Variants in NOP2 observed in about 807,000 individuals in gnomAD.
The protein encoded by NOP2 is NOP2 nucleolar protein, also known as 28S rRNA (cytosine(4447)-C(5))-methyltransferase.
A neutral mutation model predicts 72.7 loss-of-function variants in NOP2; 7 were observed. The ratio of observed to expected loss-of-function variants is 0.10; its 90% CI spans 0.05 to 0.18. The LOEUF (loss-of-function observed/expected upper bound fraction) is 0.18. Among genes scored for constraint, NOP2 ranks in the 10% least tolerant of loss-of-function variants. NOP2 has a pLI of 1.00. For missense variants in NOP2, 954 were observed against 1,014.7 expected (o/e 0.94, Z 0.81); for synonymous variants, 387 against 388.0 (o/e 1.00, Z 0.03).
Position 6,561,961 on chromosome 12 carries a change from T to C in NOP2, c.989A>G (p.Asn330Ser), listed in dbSNP as rs762106332. 1.9e-6 allele frequency: 3 copies of C among 1,609,648 alleles called. No homozygotes were observed. Among genetic ancestry groups the C allele is most frequent in the South Asian group, 2.2e-5 (2 of 90,252 alleles). Residue 330 changes from asparagine (N) to serine (S), a missense_variant, in exon 10 of 16, where the codon AAT becomes AGT. Around this residue, in one of 3 missense-constraint regions of NOP2, gnomAD observed 498 missense variants for 478.3 expected, o/e 1.04. Coordinates refer to ENST00000322166, the MANE Select transcript of NOP2 (RefSeq NM_001258308.2). ...RRRDLAQALI[N>S]RGVNLDPLGK... Reference sequence around the variant, plus strand: ...CAGGGGATCCAGGTTAACCCCACGATTGATTAGAGCCTGAAAAGGGATGAA... The same window carrying C: ...CAGGGGATCCAGGTTAACCCCACGACTGATTAGAGCCTGAAAAGGGATGAA...
In NOP2 at chr12:6,561,045, C is replaced by G. The variant is rs567636803; in HGVS notation, c.1233G>C (p.Val411=). Residue 411 remains valine, a synonymous_variant, in exon 12 of 16, where the codon GTG becomes GTC. Transcript: ENST00000322166. Reference sequence around the variant, plus strand: ...CAGCATTGGCGTCATTGGCAAGGATCACACCCGTGTTCTTCATCAGCTGGG... The same window carrying G: ...CAGCATTGGCGTCATTGGCAAGGATGACACCCGTGTTCTTCATCAGCTGGG... ...YMAQLMKNTG[V]ILANDANAER... The G allele has an allele frequency of 1.1e-5, 18 of 1,614,022 alleles. No homozygotes were observed. In the African/African-American group the frequency reaches 1.3e-4, roughly 12 times the overall value.
At chr12:6,558,384 T>C (rs1947560503) in intron 15 of NOP2, among the ~76,000 whole-genome samples, 1 of 150,852 alleles carries the variant, frequency 6.6e-6, no homozygotes, top group Non-Finnish European at 1.5e-5. Context: ...GCAATTCTCC[T>C]GCCTCAGCCT....
chr12:6,566,226 C>T lies in NOP2; in HGVS notation c.349G>A (p.Glu117Lys), dbSNP rs1947775835. ...ATACCATCTTCTTCAGAGTCTTCCT[C>T]CTCCTCTTCCTCATCACTGCCAGGT... ...PAPGSDEEEE[E>K]EDSEEDGMVN... Residue 117 changes from glutamate to lysine, a missense_variant, in exon 5 of 16, where the codon GAG (glutamate) becomes AAG (lysine). Around this residue, in one of 3 missense-constraint regions of NOP2, gnomAD observed 498 missense variants for 478.3 expected, o/e 1.04. Transcript: ENST00000322166. 6.2e-7 allele frequency: 1 copy of T among 1,614,008 alleles called. No homozygotes were observed. Among genetic ancestry groups the T allele is most frequent in the Non-Finnish European group, 8.5e-7 (1 of 1,179,884 alleles).
At position 6,564,847 on chromosome 12, in the gene NOP2, G is replaced by A. The variant is rs568547477; in HGVS notation, c.475-901C>T. Among the ~76,000 whole-genome samples the A allele has an allele frequency of 1.5e-3, 225 of 149,282 alleles. No homozygotes were observed. The Middle Eastern group carries it at 0.021, about 14-fold the overall frequency. Reference sequence around the variant, plus strand: ...TCACAGGCATTTTCATAGACATAATGACCAGTGTAACTGCATCATATGCAT... The same window carrying A: ...TCACAGGCATTTTCATAGACATAATAACCAGTGTAACTGCATCATATGCAT... On this transcript the variant is annotated intron_variant, in intron 5 of 15. Transcript: ENST00000322166.
Position 6,566,207 on chromosome 12 carries a change from T to A in NOP2, c.368A>T (p.Asp123Val), listed in dbSNP as rs755782291. 1.2e-6 allele frequency: 2 copies of A among 1,614,028 alleles called. No individual in the cohort carries two copies. The highest frequency in any genetic ancestry group is 1.7e-6 in the Non-Finnish European group (2 of 1,179,886). Reference protein sequence around the residue: ...EEEEEEDSEEDGMVNHGDLWG... With the variant: ...EEEEEEDSEEVGMVNHGDLWG... ...GAGGTCCCCGTGGTTCACCATACCA[T>A]CTTCTTCAGAGTCTTCCTCCTCCTC... is the stretch of plus-strand genomic sequence containing the variant. Residue 123 changes from aspartate to valine, a missense_variant, in exon 5 of 16, where the codon GAT becomes GTT. By Grantham distance (152) the Asp-to-Val change is radical. Transcript: ENST00000322166.
At chr12:6,564,012 T>A in intron 5 of NOP2, 66 bp from the exon 6 acceptor site, 1 of 1,568,176 alleles carries the variant, frequency 6.4e-7, no homozygotes, top group Non-Finnish European at 8.6e-7. Flanking sequence ...CAGTTCTATC[T>A]CTATATCTTA....
chr12:6,566,441 T>C (rs1947781688), intron 4 of NOP2, 88 bp downstream of exon 4: 1 of 1,518,212 alleles, frequency 6.6e-7, no homozygotes, highest in Non-Finnish European at 9.1e-7. Flanking sequence ...TGGCTGTTCC[T>C]TTCACTCCGG....
chr12:6,568,128 A>T lies in NOP2; in HGVS notation c.-5+79T>A, dbSNP rs2136182492. 5.1e-6 allele frequency: 3 copies of T among 583,330 alleles called. No individual in the cohort carries two copies. The East Asian group carries it at 8.7e-5, about 17-fold the overall frequency. 36.1% of individuals were successfully genotyped at this position (583,330 alleles called of 1,614,324 possible). A position where few individuals can be genotyped will look rare whatever the true frequency, so the allele number is the denominator to read the frequency against. On this transcript the variant is annotated intron_variant, in intron 1 of 15. Coordinates refer to ENST00000322166, the MANE Select transcript of NOP2 (RefSeq NM_001258308.2). ...CCGAACGCCCTCCCACCTGAAACCC[A>T]GGTAGCGCACCCTTCTCCCCACGTC...
chr12:6,559,384 G>A (rs1947587559), intron 15 of NOP2, among the ~76,000 whole-genome samples: 1 of 152,180 alleles, frequency 6.6e-6, no homozygotes, highest in South Asian at 2.1e-4. Context: ...CTCCCAAAGT[G>A]CTGGGATTAC....
chr12:6,563,148 T>A lies in NOP2; in HGVS notation c.911A>T (p.Asn304Ile). 6.3e-7 allele frequency: 1 copy of A among 1,595,840 alleles called. No homozygotes were observed. Among genetic ancestry groups the A allele is most frequent in the Non-Finnish European group, 8.5e-7 (1 of 1,171,416 alleles). Residue 304 changes from asparagine (N) to isoleucine (I), a missense_variant, in exon 9 of 16, where the codon AAT becomes ATT. Transcript: ENST00000322166. ...LSELVEFLEA[N>I]EVPRPVTLRT... is the part of the protein sequence containing the mutation. ...GAGGGTGACGGGCCGAGGCACCTCA[T>A]TAGCTTCTAAGAACTCCACCAGCTG...
chr12:6,561,674 G>C lies in NOP2; in HGVS notation c.1197C>G (p.Thr399=). 2 of 1,613,764 alleles carry C rather than the reference G, an allele frequency of 1.2e-6. No homozygotes were observed. Among genetic ancestry groups the C allele is most frequent in the Non-Finnish European group, 1.7e-6 (2 of 1,179,808 alleles). ...CTGCCCCTCTCATACCCATGTAGCT[G>C]GTCTTTCCTCCAGGGGCACAACACA... The part of the protein sequence containing the change: ...LDMCCAPGGK[T]SYMAQLMKNT... Residue 399 remains threonine, a synonymous_variant, in exon 11 of 16, where the codon ACC becomes ACG. Transcript: ENST00000322166.
Position 6,560,068 on chromosome 12 carries a change from G to C in NOP2, c.1789+30C>G. Reference sequence around the variant, plus strand: ...CCTGAAAGGTGGAAAGAGCAAAGGTGGTGACGAAGGGAAGAAAAAGATTAC... The same window carrying C: ...CCTGAAAGGTGGAAAGAGCAAAGGTCGTGACGAAGGGAAGAAAAAGATTAC... On this transcript the variant is annotated intron_variant, in intron 15 of 15. Transcript: ENST00000322166. This position sits in a 1 kb window ranked among gnomAD's most constrained non-coding sequence, Gnocchi z 5.0. The C allele has an allele frequency of 6.6e-7, 1 of 1,504,664 alleles. No individual in the cohort carries two copies. 93.2% of individuals were successfully genotyped at this position (1,504,664 alleles called of 1,614,324 possible). A position where few individuals can be genotyped will look rare whatever the true frequency, so the allele number is the denominator to read the frequency against.
chr12:6,566,152 T>C lies in NOP2; in HGVS notation c.423A>G (p.Val141=). 2 of 1,614,016 alleles carry C rather than the reference T, an allele frequency of 1.2e-6. No individual in the cohort carries two copies. Among genetic ancestry groups the C allele is most frequent in the Non-Finnish European group, 1.7e-6 (2 of 1,179,866 alleles). The change falls in exon 5 of 16, where the codon GTA becomes GTG. Residue 141 remains valine, a synonymous_variant. Coordinates refer to ENST00000322166, the MANE Select transcript of NOP2 (RefSeq NM_001258308.2). ...LWGSEDDADT[V]DDYGADSNSE... is the part of the protein sequence containing the mutation. ...AGTTGGAGTCAGCTCCATAGTCATC[T>C]ACCGTATCAGCATCGTCCTCGGAGC...
intron 4 of NOP2, 57 bp downstream of exon 4, chr12:6,566,472 C>G: frequency 6.4e-7 from 1 of 1,564,518 alleles, no homozygotes; most frequent in South Asian, 1.1e-5. Context: ...CGAGTTCTTC[C>G]CTACCCAGGA....
chr12:6,562,386 C>G (rs987942629), intron 9 of NOP2, among the ~76,000 whole-genome samples: 2 of 152,144 alleles, frequency 1.3e-5, no homozygotes, highest in African/African-American at 4.8e-5. Flanking sequence ...CCATACCCCA[C>G]AACTCCTATA....
At chr12:6,566,661 T>C in intron 3 of NOP2, 44 bp from the exon 4 acceptor site, 1 of 1,602,202 alleles carries the variant, frequency 6.2e-7, no homozygotes, top group Non-Finnish European at 8.6e-7. Flanking sequence ...AATGGGAAGA[T>C]ACTTCCAGGC....
At chr12:6,559,900 A>T (rs191829663) in intron 15 of NOP2, among the ~76,000 whole-genome samples, 198 bp downstream of exon 15, 1 of 152,306 alleles carries the variant, frequency 6.6e-6, no homozygotes, top group African/African-American at 2.4e-5. Context: ...CCATATGAAC[A>T]CTTTAGCCTG....
At chr12:6,566,414 C>A in intron 4 of NOP2, 78 bp from the exon 5 acceptor site, 1 of 1,490,236 alleles carries the variant, frequency 6.7e-7, no homozygotes, top group South Asian at 1.1e-5. Flanking sequence ...GTACTTTCTA[C>A]CCCTCAGAAT....
intron 5 of NOP2, among the ~76,000 whole-genome samples, chr12:6,564,993 G>A (rs1300031478): frequency 6.6e-6 from 1 of 152,094 alleles, no homozygotes; most frequent in African/African-American, 2.4e-5. Context: ...GATGTAGGAA[G>A]GGGGTGCACA....
Sources: gnomAD v4.1 joint callset for allele counts (sites outside exome capture counted in the v4.1 genomes callset) on GRCh38, gnomAD v4.1.1 for gene constraint, gnomAD v4.1.1 regional missense constraint, Gnocchi (gnomAD v3.1) non-coding constraint, MANE v1.5 for transcripts, NCBI Gene and HGNC (gene_info 2026-07-23, HGNC 2026-07-21) for gene names.